ZNF608: variants seen among roughly 807,000 people sequenced by gnomAD.
ZNF608 encodes zinc finger protein 608.
A neutral mutation model predicts 109.0 loss-of-function variants in ZNF608; 12 were observed. The ratio of observed to expected loss-of-function variants is 0.11; its 90% CI spans 0.07 to 0.18. The LOEUF is 0.18. Among genes scored for constraint, ZNF608 ranks in the 10% least tolerant of loss-of-function variants. ZNF608 has a pLI of 1.00. For synonymous variants in ZNF608, 732 were observed against 717.4 expected (o/e 1.02, Z -0.33); for missense variants, 1,707 against 1,879.3 (o/e 0.91, Z 1.70).
rs1281051109 is a variant in ZNF608 at position 124,637,173 on chromosome 5, T to C, written c.*727A>G. Reference sequence around the variant, plus strand: ...CTGGTACGCAGGCTATTGGGTTATTTGCCATTCAAGATTATCAAAAAATGA... The same window carrying C: ...CTGGTACGCAGGCTATTGGGTTATTCGCCATTCAAGATTATCAAAAAATGA... On this transcript the variant is annotated 3_prime_UTR_variant, in exon 10 of 10. Coordinates refer to ENST00000513986, the MANE Select transcript of ZNF608 (RefSeq NM_020747.3). 1.3e-5 allele frequency: 2 copies of C among 152,472 alleles called. 1 individual carries two copies. Among genetic ancestry groups the C allele is most frequent in the Non-Finnish European group, 2.9e-5 (2 of 68,002 alleles). 9.4% of individuals were successfully genotyped at this position (152,472 alleles called of 1,614,324 possible).
At chr5:124,676,181 G>A (rs139862841) in intron 3 of ZNF608, among the ~76,000 whole-genome samples, 75 of 152,280 alleles carry the variant, frequency 4.9e-4, no homozygotes, top group African/African-American at 1.7e-3. Flanking sequence ...AAGGCCTTTG[G>A]TGAATGCTAC....
chr5:124,716,015 C>A lies in ZNF608; in HGVS notation c.907-14746G>T, dbSNP rs551163890. Among the ~76,000 whole-genome samples, 14 of 151,866 alleles carry A rather than the reference C, an allele frequency of 9.2e-5. No individual in the cohort carries two copies. In the South Asian group the frequency reaches 2.7e-3, roughly 29 times the overall value. Reference sequence around the variant, plus strand: ...AAAATTAGCCGGGCGTGGTGGCGGGCACCTGTAGTCCCAGCTACTGGGGAG... The same window carrying A: ...AAAATTAGCCGGGCGTGGTGGCGGGAACCTGTAGTCCCAGCTACTGGGGAG... On this transcript the variant is annotated intron_variant, in intron 2 of 9. Transcript: ENST00000513986.
chr5:124,746,101 A>T, intron 1 of ZNF608, 94 bp downstream of exon 1: 1 of 984,410 alleles, frequency 1.0e-6, no homozygotes, highest in Non-Finnish European at 1.2e-6. Flanking sequence ...AACGGTTTTT[A>T]AAGGGATCAG....
chr5:124,694,218 C>T (rs1177275634), intron 3 of ZNF608, among the ~76,000 whole-genome samples: 5 of 132,544 alleles, frequency 3.8e-5, no homozygotes, highest in African/African-American at 1.4e-4. Flanking sequence ...TGGTCTCGAT[C>T]TCCTGACCTC....
rs144973056 is a variant in ZNF608 at position 124,646,454 on chromosome 5, C to A, written c.3705+225G>T. On this transcript the variant is annotated intron_variant, in intron 5 of 9. Coordinates refer to ENST00000513986, the MANE Select transcript of ZNF608 (RefSeq NM_020747.3). ...AAACACAAATCTGCAAAGCACCCAT[C>A]CACAGTTCCTTTTACTATACACCAT... Among the ~76,000 whole-genome samples, 470 of 152,316 alleles carry A rather than the reference C, an allele frequency of 3.1e-3. 2 individuals carry two copies. Among genetic ancestry groups the A allele is most frequent in the African/African-American group, 0.011 (455 of 41,574 alleles).
At chr5:124,659,995 G>A (rs537738326) in intron 3 of ZNF608, among the ~76,000 whole-genome samples, 12 of 152,224 alleles carry the variant, frequency 7.9e-5, no homozygotes, top group South Asian at 2.1e-4. Flanking sequence ...CATTCCTACC[G>A]CTCTGCTGGC....
Position 124,685,618 on chromosome 5 carries a change from GA to G in ZNF608, c.1162+15395del, listed in dbSNP as rs763936854. ...AGTCAGGGTAGAGTCAAATCTAGAG[GA>G]AAAAAAAAAAAAACAACAACAGCAA... On this transcript the variant is annotated intron_variant, in intron 3 of 9. Transcript: ENST00000513986. Among the ~76,000 whole-genome samples the G allele has an allele frequency of 4.3e-3, 581 of 136,008 alleles. 1 individual carries two copies. Among genetic ancestry groups the G allele is most frequent in the Non-Finnish European group, 5.6e-3 (354 of 63,112 alleles). 89.2% of individuals were successfully genotyped at this position (136,008 alleles called of 152,430 possible). A position where few individuals can be genotyped will look rare whatever the true frequency, so the allele number is the denominator to read the frequency against.
At chr5:124,652,565 A>G (rs1447253524) in intron 3 of ZNF608, among the ~76,000 whole-genome samples, 1 of 152,238 alleles carries the variant, frequency 6.6e-6, no homozygotes, top group Non-Finnish European at 1.5e-5. Context: ...TACACAGCCA[A>G]ATCTGCCACT....
chr5:124,661,738 G>A (rs1382565653), intron 3 of ZNF608, among the ~76,000 whole-genome samples: 2 of 152,126 alleles, frequency 1.3e-5, no homozygotes, highest in Non-Finnish European at 2.9e-5. Flanking sequence ...TATACTCTGT[G>A]TGTAAATACG....
At position 124,746,464 on chromosome 5, in the gene ZNF608, C is replaced by T. The variant is rs1459420186; in HGVS notation, c.-453G>A. On this transcript the variant is annotated 5_prime_UTR_variant, in exon 1 of 10. Coordinates refer to ENST00000513986, the MANE Select transcript of ZNF608 (RefSeq NM_020747.3). ...TAATGTTTCACATTCACAACAGAAG[C>T]ACCAAAGGTTTTTTTTTCCTCTTAA... The T allele has an allele frequency of 1.0e-6, 1 of 985,156 alleles. No individual in the cohort carries two copies. Among genetic ancestry groups the T allele is most frequent in the African/African-American group, 1.7e-5 (1 of 57,174 alleles). 61.0% of individuals were successfully genotyped at this position (985,156 alleles called of 1,614,324 possible). A position where few individuals can be genotyped will look rare whatever the true frequency, so the allele number is the denominator to read the frequency against.
chr5:124,747,837 T>TG (rs1351365391), upstream of ZNF608, among the ~76,000 whole-genome samples: 2 of 152,148 alleles, frequency 1.3e-5, no homozygotes, highest in African/African-American at 4.8e-5. Context: ...CGGGGACGCC[T>TG]GGGGGAGGGA....
At position 124,639,237 on chromosome 5, in the gene ZNF608, T is replaced by G. The variant is rs1304724568; in HGVS notation, c.4451-23A>C. The stretch of plus-strand genomic sequence containing the variant: ...AGCCTAATGGGGAAAAAATGTAGAG[T>G]GTCTGTGATCTTTAGAAGGATAAGA... On this transcript the variant is annotated intron_variant, in intron 8 of 9. Transcript: ENST00000513986. 4 of 1,610,168 alleles carry G rather than the reference T, an allele frequency of 2.5e-6. No individual in the cohort carries two copies. The East Asian group carries it at 6.7e-5, about 27-fold the overall frequency.
In ZNF608 at chr5:124,745,151, C is replaced by T. The variant is rs1431372827; in HGVS notation, c.-162G>A. ...CGAATGTGTCCAGGGATTTTACACC[C>T]TCAGTCCAGGTCCACCTTTTCCTGT... On this transcript the variant is annotated 5_prime_UTR_variant, in exon 2 of 10. Coordinates refer to ENST00000513986, the MANE Select transcript of ZNF608 (RefSeq NM_020747.3). 2 of 1,431,484 alleles carry T rather than the reference C, an allele frequency of 1.4e-6. No homozygotes were observed. Among genetic ancestry groups the T allele is most frequent in the East Asian group, 2.5e-5 (1 of 39,548 alleles). 88.7% of individuals were successfully genotyped at this position (1,431,484 alleles called of 1,614,324 possible).
At chr5:124,664,003 A>C (rs1196536358) in intron 3 of ZNF608, among the ~76,000 whole-genome samples, 1 of 152,226 alleles carries the variant, frequency 6.6e-6, no homozygotes, top group Non-Finnish European at 1.5e-5. Context: ...AATTTTTAAC[A>C]AATCCTTAAT....
intron 2 of ZNF608, among the ~76,000 whole-genome samples, chr5:124,707,467 C>T (rs151232536): frequency 1.3e-4 from 20 of 152,304 alleles, no homozygotes; most frequent in African/African-American, 2.4e-4. Context: ...CCCTCAATCC[C>T]GGGATCACCA....
intron 3 of ZNF608, among the ~76,000 whole-genome samples, chr5:124,650,021 A>C (rs1304468491): frequency 6.6e-6 from 1 of 152,198 alleles, no homozygotes; most frequent in Non-Finnish European, 1.5e-5. Flanking sequence ...CTCACCTCTT[A>C]ATTTTTCTAT....
intron 2 of ZNF608, among the ~76,000 whole-genome samples, chr5:124,732,960 T>C (rs1188683811): frequency 2.6e-5 from 4 of 151,798 alleles, no homozygotes; most frequent in Non-Finnish European, 4.4e-5. Context: ...CCTCCCTCTA[T>C]ACAGCTTAAA....
chr5:124,661,507 A>T (rs1350123763), intron 3 of ZNF608, among the ~76,000 whole-genome samples: 1 of 150,190 alleles, frequency 6.7e-6, no homozygotes, highest in Non-Finnish European at 1.5e-5. Flanking sequence ...AGCCCCACAG[A>T]GTTACAAGTA....
At chr5:124,659,334 A>G (rs1369163764) in intron 3 of ZNF608, among the ~76,000 whole-genome samples, 1 of 152,158 alleles carries the variant, frequency 6.6e-6, no homozygotes, top group Admixed American at 6.5e-5. Context: ...AAAAGGGCGT[A>G]GAAGGGTGTA....
Sources: gnomAD v4.1 joint callset for allele counts (sites outside exome capture counted in the v4.1 genomes callset) on GRCh38, gnomAD v4.1.1 for gene constraint, MANE v1.5 for transcripts, NCBI Gene and HGNC (gene_info 2026-07-23, HGNC 2026-07-21) for gene names.